The following FSAF1 variants were observed in gnomAD, a reference collection of about 807,000 sequenced individuals.
FSAF1 encodes 40S small subunit processome assembly factor 1.
At chr1:231,229,288 T>C in the FSAF1 span, 1 of 1,019,476 alleles carries the variant, frequency 9.8e-7, no homozygotes, top group South Asian at 1.7e-5. Context: ...AGACATGTTT[T>C]AAGGAACCTG....
the FSAF1 span, chr1:231,226,944 A>G: frequency 6.2e-7 from 1 of 1,612,658 alleles, no homozygotes; most frequent in East Asian, 2.2e-5. Flanking sequence ...CATGTTGTCT[A>G]GTGATGAAAG....
chr1:231,226,635 G>A, the FSAF1 span: 1 of 1,031,794 alleles, frequency 9.7e-7, no homozygotes, highest in Non-Finnish European at 1.5e-6. Flanking sequence ...CTTTAACTCT[G>A]GTGCCTTCAT....
At chr1:231,240,907 G>T in the FSAF1 span, 1 of 887,578 alleles carries the variant, frequency 1.1e-6, no homozygotes. This position sits in a 1 kb window ranked among gnomAD's most constrained non-coding sequence, Gnocchi z 4.1. Flanking sequence ...GACGAAGGGT[G>T]CTTGACATGC....
chr1:231,239,115 A>T, the FSAF1 span: 1 of 1,613,046 alleles, frequency 6.2e-7, no homozygotes, highest in Non-Finnish European at 8.5e-7. Flanking sequence ...AGGCCGCTGA[A>T]GCCATCACAT....
chr1:231,240,582 G>A, the FSAF1 span, among the ~76,000 whole-genome samples: 6 of 152,130 alleles, frequency 3.9e-5, no homozygotes, highest in African/African-American at 1.4e-4. The surrounding 1 kb of genome is among the most constrained non-coding windows in gnomAD (Gnocchi z 4.1). Flanking sequence ...GGACTATGAT[G>A]TCTCTGGAGA....
the FSAF1 span, chr1:231,225,620 AT>A: frequency 9.6e-7 from 1 of 1,040,574 alleles, no homozygotes; most frequent in Non-Finnish European, 1.5e-6. Flanking sequence ...TTGAGATACC[AT>A]TTTTAACATT....
the FSAF1 span, chr1:231,240,904 G>T: frequency 2.3e-6 from 2 of 858,738 alleles, no homozygotes; most frequent in East Asian, 2.4e-5. This position sits in a 1 kb window ranked among gnomAD's most constrained non-coding sequence, Gnocchi z 4.1. Flanking sequence ...TGGGACGAAG[G>T]GTGCTTGACA....
the FSAF1 span, among the ~76,000 whole-genome samples, chr1:231,229,372 T>C: frequency 6.6e-6 from 1 of 152,212 alleles, no homozygotes; most frequent in African/African-American, 2.4e-5. Context: ...GGCAAGGATG[T>C]AGAGAAACTG....
chr1:231,229,197 T>A, the FSAF1 span: 6 of 1,582,988 alleles, frequency 3.8e-6, no homozygotes, highest in Non-Finnish European at 5.2e-6. Flanking sequence ...TCCAAAACAC[T>A]AGGATTAGCC....
the FSAF1 span, chr1:231,241,003 C>T: frequency 5.6e-6 from 9 of 1,601,416 alleles, no homozygotes; most frequent in South Asian, 2.2e-5. Context: ...TCCACGTGGG[C>T]TCCTGGGACC....
chr1:231,236,964 A>C, the FSAF1 span: 1 of 152,272 alleles, frequency 6.6e-6, no homozygotes, highest in South Asian at 2.1e-4. Context: ...TCCTAAAATA[A>C]AGGTAGACAT....
the FSAF1 span, chr1:231,225,458 T>A: frequency 6.2e-7 from 1 of 1,612,670 alleles, no homozygotes. Context: ...CAGGACCTGA[T>A]AAAATCACTC....
At chr1:231,237,329 C>T in the FSAF1 span, 1 of 152,220 alleles carries the variant, frequency 6.6e-6, no homozygotes, top group Non-Finnish European at 1.5e-5. Context: ...GCAAGCCAAA[C>T]CATCTTCGTA....
chr1:231,232,930 G>A, the FSAF1 span, among the ~76,000 whole-genome samples: 27 of 152,136 alleles, frequency 1.8e-4, no homozygotes, highest in East Asian at 7.7e-4. Flanking sequence ...AAATGCAGAC[G>A]GCTGTATGAA....
the FSAF1 span, among the ~76,000 whole-genome samples, chr1:231,227,306 C>T: frequency 9.2e-5 from 14 of 152,200 alleles, no homozygotes; most frequent in South Asian, 2.1e-4. Flanking sequence ...CTCTGTTACC[C>T]GCCAGGATGG....
the FSAF1 span, chr1:231,226,703 A>G: frequency 4.6e-6 from 7 of 1,534,936 alleles, no homozygotes; most frequent in East Asian, 2.2e-5. Flanking sequence ...CCATCTTCCC[A>G]TTCTAGTTGA....
chr1:231,226,979 G>A, the FSAF1 span: 114 of 1,613,898 alleles, frequency 7.1e-5, no homozygotes, highest in Admixed American at 2.2e-4. Flanking sequence ...TCACCTTAGC[G>A]CCCAGCATAA....
At chr1:231,232,660 A>G in the FSAF1 span, among the ~76,000 whole-genome samples, 44,697 of 152,152 alleles carry the variant, frequency 0.29, 6,680 homozygotes, top group Admixed American at 0.39. Context: ...GGAGAGGGAT[A>G]TGTATGGAGA....
the FSAF1 span, among the ~76,000 whole-genome samples, chr1:231,229,723 G>A: frequency 6.6e-6 from 1 of 152,178 alleles, no homozygotes; most frequent in Non-Finnish European, 1.5e-5. Flanking sequence ...ATGATGCTAA[G>A]TGAAATAAGC....
Sources: allele counts gnomAD v4.1 joint callset (sites outside exome capture counted in the v4.1 genomes callset), GRCh38; gene constraint gnomAD v4.1.1; non-coding constraint Gnocchi (gnomAD v3.1); transcripts MANE v1.5; gene names NCBI Gene and HGNC (gene_info 2026-07-23, HGNC 2026-07-21).